The following NMU variants were observed in gnomAD, a reference collection of about 807,000 sequenced individuals.
NMU encodes the protein neuromedin-U.
In NMU, 29 loss-of-function variants were observed where a neutral mutation model predicts 35.4. The observed-to-expected ratio is 0.82, with a 90% confidence interval of 0.61 to 1.12. NMU has a LOEUF of 1.12. Ranked by LOEUF, NMU falls within the 50% of genes most tolerant of loss-of-function variation. NMU has a pLI of 0.00. For synonymous variants in NMU, 78 were observed against 81.3 expected (o/e 0.96, Z 0.22); for missense variants, 199 against 206.2 (o/e 0.97, Z 0.21).
intron 1 of NMU, among the ~76,000 whole-genome samples, chr4:55,633,724 G>GT (rs1715744107): frequency 6.6e-6 from 1 of 152,180 alleles, no homozygotes; most frequent in Non-Finnish European, 1.5e-5. Context: ...TTTTCTCATT[G>GT]TGAGTATGTA....
chr4:55,634,488 G>A (rs1174473563), intron 1 of NMU, among the ~76,000 whole-genome samples: 1 of 152,182 alleles, frequency 6.6e-6, no homozygotes, highest in Non-Finnish European at 1.5e-5. Flanking sequence ...TTAGGAACCA[G>A]CTGCTGCCTT....
rs567185852 is a variant in NMU at position 55,632,151 on chromosome 4, G to A, written c.113-1691C>T. 2.4e-3 allele frequency among the ~76,000 whole-genome samples: 361 copies of A among 152,256 alleles called. 1 individual carries two copies. The highest frequency in any genetic ancestry group is 7.0e-3 in the African/African-American group (292 of 41,534). ...GTAATGTAATGGACTTTGGGGACTC[G>A]GAGGTGGAGGCTAGGAGGGGGTTGG... On this transcript the variant is annotated intron_variant, in intron 1 of 9. Coordinates refer to ENST00000264218, the MANE Select transcript of NMU (RefSeq NM_006681.4).
At chr4:55,628,427 T>C (rs1322893548) in intron 2 of NMU, among the ~76,000 whole-genome samples, 6 of 152,090 alleles carry the variant, frequency 3.9e-5, no homozygotes, top group Non-Finnish European at 8.8e-5. Context: ...AAAGAACAAA[T>C]ATATGGTTTT....
In NMU at chr4:55,630,476, T is replaced by G. The variant is rs1457864799; in HGVS notation, c.113-16A>C. On this transcript the variant is annotated splice_polypyrimidine_tract_variant and intron_variant, in intron 1 of 9. Coordinates refer to ENST00000264218, the MANE Select transcript of NMU (RefSeq NM_006681.4). ...ATTGGAGCACCTAAAAATAAAGTTG[T>G]AGCCACAGATTAATTTTATAGCATT... 6.3e-7 allele frequency: 1 copy of G among 1,590,016 alleles called. No individual in the cohort carries two copies. The highest frequency in any genetic ancestry group is 1.3e-5 in the African/African-American group (1 of 74,560).
chr4:55,636,387 C>G (rs1393363738), upstream of NMU: 2 of 812,308 alleles, frequency 2.5e-6, no homozygotes, highest in African/African-American at 1.8e-5. The surrounding 1 kb of genome is among the most constrained non-coding windows in gnomAD (Gnocchi z 4.0). Context: ...CGCCGCCTGC[C>G]GCCCCCGGCC....
chr4:55,599,818 T>A (rs1733351045), intron 8 of NMU, among the ~76,000 whole-genome samples: 1 of 152,188 alleles, frequency 6.6e-6, no homozygotes, highest in African/African-American at 2.4e-5. Flanking sequence ...CAAGTGCATT[T>A]CACACAGTAC....
At chr4:55,627,301 G>C (rs1258647303) in intron 2 of NMU, among the ~76,000 whole-genome samples, 2 of 151,786 alleles carry the variant, frequency 1.3e-5, no homozygotes, top group African/African-American at 4.8e-5. Flanking sequence ...TATCTGATAA[G>C]GCAAGTTCCC....
rs1265826232 is a variant in NMU, at chr4:55,636,128, A to G, written c.65T>C (p.Leu22Pro). 1 of 1,525,934 alleles carries G rather than the reference A, an allele frequency of 6.6e-7. No individual in the cohort carries two copies. Among genetic ancestry groups the G allele is most frequent in the Non-Finnish European group, 8.8e-7 (1 of 1,142,708 alleles). 94.5% of individuals were successfully genotyped at this position (1,525,934 alleles called of 1,614,324 possible). Residue 22 changes from leucine (L) to proline (P), a missense_variant, in exon 1 of 10, where the codon CTC becomes CCC. Coordinates refer to ENST00000264218, the MANE Select transcript of NMU (RefSeq NM_006681.4). This position sits in a 1 kb window ranked among gnomAD's most constrained non-coding sequence, Gnocchi z 4.0. ...GGCGAGCAGCAGCAGCAGCAGCAGG[A>G]GCGGGGACGCCGCGGCCACCTGTCC... ...PAGQVAAASP[L>P]LLLLLLLAWC...
intron 1 of NMU, among the ~76,000 whole-genome samples, chr4:55,633,931 CTTCT>C (rs377543297): frequency 3.9e-5 from 6 of 152,268 alleles, no homozygotes; most frequent in African/African-American, 1.4e-4. Context: ...AGGAAGTTTC[CTTCT>C]TTATTTTACT....
intron 6 of NMU, among the ~76,000 whole-genome samples, chr4:55,606,368 C>A (rs548523243): frequency 6.6e-6 from 1 of 152,222 alleles, no homozygotes; most frequent in East Asian, 1.9e-4. Flanking sequence ...GAAAAACTAC[C>A]GCTAATACTA....
chr4:55,615,162 C>T (rs1440464883), intron 3 of NMU, among the ~76,000 whole-genome samples: 1 of 152,206 alleles, frequency 6.6e-6, no homozygotes, highest in East Asian at 1.9e-4. Context: ...ACACTTATTC[C>T]CCACTTCTTA....
At chr4:55,600,416 TC>T in intron 8 of NMU, 105 bp downstream of exon 8, 1 of 772,396 alleles carries the variant, frequency 1.3e-6, no homozygotes, top group Non-Finnish European at 2.2e-6. Flanking sequence ...ATGCCAAACA[TC>T]TATAAACTTT....
At position 55,632,330 on chromosome 4, in the gene NMU, C is replaced by G. The variant is rs186789168; in HGVS notation, c.113-1870G>C. Among the ~76,000 whole-genome samples, 499 of 152,200 alleles carry G rather than the reference C, an allele frequency of 3.3e-3. 2 individuals carry two copies. The highest frequency in any genetic ancestry group is 0.014 in the Middle Eastern group (4 of 294). The stretch of plus-strand genomic sequence containing the variant: ...AGGCAACTCTTGCCTTGAATTCATA[C>G]AAGTTTTTACTATTATTTCATTTAA... On this transcript the variant is annotated intron_variant, in intron 1 of 9. Coordinates refer to ENST00000264218, the MANE Select transcript of NMU (RefSeq NM_006681.4).
chr4:55,609,201 GT>G, intron 3 of NMU, 22 bp from the exon 4 acceptor site: 1 of 1,582,448 alleles, frequency 6.3e-7, no homozygotes, highest in Non-Finnish European at 8.7e-7. Context: ...GAGAAGATAT[GT>G]AAGTTATGCT....
In NMU at chr4:55,603,966, T is replaced by C. The variant is rs796892247; in HGVS notation, c.435+1309A>G. On this transcript the variant is annotated intron_variant, in intron 7 of 9. Transcript: ENST00000264218. ...ATATATGTATATATGTGTATATATA[T>C]ACGTATATATGTATATATGTGTATA... Among the ~76,000 whole-genome samples the C allele has an allele frequency of 4.4e-3, 129 of 29,218 alleles. 13 individuals are homozygous for C. Among genetic ancestry groups the C allele is most frequent in the Middle Eastern group, 0.017 (1 of 58 alleles). The allele number at this position is 29,218 out of a possible 152,430, so 19.2% of individuals were successfully genotyped here.
intron 1 of NMU, among the ~76,000 whole-genome samples, chr4:55,630,957 G>A (rs1182500949): frequency 3.9e-5 from 6 of 152,152 alleles, no homozygotes; most frequent in Non-Finnish European, 8.8e-5. Context: ...TACCAAAACA[G>A]TATGGTACTG....
In NMU at chr4:55,599,150, A is replaced by G; in HGVS notation, c.521T>C (p.Ile174Thr). ...ATTTATTTCTCACATACCATTTTAAATGAACCCTGCTGACCTTCTTCCATT... is the reference window on the plus strand; with the variant it reads ...ATTTATTTCTCACATACCATTTTAAGTGAACCCTGCTGACCTTCTTCCATT... ...PRNGRRSAGF[I>T] is the part of the protein sequence containing the mutation. Residue 174 changes from isoleucine (I) to threonine (T), a missense_variant, in exon 9 of 10, where the codon ATT becomes ACT. By Grantham distance (89) the Ile-to-Thr change is moderately conservative. Transcript: ENST00000264218. The G allele has an allele frequency of 6.2e-7, 1 of 1,603,620 alleles. No individual in the cohort carries two copies. Among genetic ancestry groups the G allele is most frequent in the South Asian group, 1.1e-5 (1 of 90,780 alleles).
intron 1 of NMU, among the ~76,000 whole-genome samples, chr4:55,632,791 T>G (rs1715673754): frequency 6.6e-6 from 1 of 152,146 alleles, no homozygotes; most frequent in Non-Finnish European, 1.5e-5. Flanking sequence ...TCAACTTCAC[T>G]GTGTTCAGAC....
At chr4:55,636,394 G>A, upstream of NMU, 1 of 752,660 alleles carries the variant, frequency 1.3e-6, no homozygotes, top group Non-Finnish European at 1.9e-6. The surrounding 1 kb of genome is among the most constrained non-coding windows in gnomAD (Gnocchi z 4.0). Flanking sequence ...TGCCGCCCCC[G>A]GCCTACCTCG....
Sources: allele counts gnomAD v4.1 joint callset (sites outside exome capture counted in the v4.1 genomes callset), GRCh38; gene constraint gnomAD v4.1.1; non-coding constraint Gnocchi (gnomAD v3.1); transcripts MANE v1.5; gene names NCBI Gene and HGNC (gene_info 2026-07-23, HGNC 2026-07-21).